ZDHHC23: variants seen among roughly 807,000 people sequenced by gnomAD.
The protein encoded by ZDHHC23 is zDHHC palmitoyltransferase 23.
Under a neutral mutation model 40.2 loss-of-function variants are expected in ZDHHC23, and 41 were observed. The observed-to-expected ratio is 1.02, with a 90% CI of 0.79 to 1.32. The LOEUF (loss-of-function observed/expected upper bound fraction) is 1.32, where lower values mean the gene tolerates loss of function less well. Among genes scored for constraint, ZDHHC23 ranks in the 40% most tolerant of loss-of-function variants. The probability of loss-of-function intolerance (pLI) is 0.00; values close to 1 mark genes in which losing one functional copy is unlikely to be tolerated. For missense variants in ZDHHC23, 471 were observed against 541.5 expected (o/e 0.87, Z 1.29); for synonymous variants, 204 against 210.2 (o/e 0.97, Z 0.26).
Position 113,959,904 on chromosome 3 carries a change from A to G in ZDHHC23, c.*1274A>G, listed in dbSNP as rs534319928. The G allele has an allele frequency of 3.1e-4, 307 of 1,001,064 alleles. No individual in the cohort carries two copies. The highest frequency in any genetic ancestry group is 3.6e-4 in the Non-Finnish European group (300 of 836,668). The allele number at this position is 1,001,064 out of a possible 1,614,324, so 62.0% of individuals were successfully genotyped here. A position where few individuals can be genotyped will look rare whatever the true frequency, so the allele number is the denominator to read the frequency against. ...CAAGTTGTTTCTTTAATCATATCTTAAAACCGAAAATGTATAAAAGATTAA... is the reference window on the plus strand; with the variant it reads ...CAAGTTGTTTCTTTAATCATATCTTGAAACCGAAAATGTATAAAAGATTAA... On this transcript the variant is annotated 3_prime_UTR_variant, in exon 5 of 5. Transcript: ENST00000638807.
Position 113,953,798 on chromosome 3 carries a change from A to G in ZDHHC23, c.260A>G (p.Lys87Arg). The change falls in exon 3 of 5, where the codon AAA becomes AGA. Residue 87 changes from lysine to arginine, a missense_variant. Around this residue, in one of 3 missense-constraint regions of ZDHHC23, gnomAD observed 42 missense variants for 73.9 expected, o/e 0.57. Transcript: ENST00000638807. ...LRIPWLRGAK[K>R]VNISIIPPLV... ...ATTCCTTGGCTTAGGGGAGCCAAAA[A>G]AGTGAACATCAGCATCATCCCTCCG... is the stretch of plus-strand genomic sequence containing the variant. 1 of 1,614,182 alleles carries G rather than the reference A, an allele frequency of 6.2e-7. No individual in the cohort carries two copies. The highest frequency in any genetic ancestry group is 8.5e-7 in the Non-Finnish European group (1 of 1,180,032).
At chr3:113,947,949 G>A (rs1379903060), upstream of ZDHHC23, 2 of 148,096 alleles carry the variant, frequency 1.4e-5, no homozygotes, top group African/African-American at 4.9e-5. Flanking sequence ...CCGGGCGGGC[G>A]GAGGGGCGGT....
chr3:113,956,415 T>C lies in ZDHHC23; in HGVS notation c.949T>C (p.Tyr317His). The C allele has an allele frequency of 6.2e-7, 1 of 1,614,216 alleles. No homozygotes were observed. The highest frequency in any genetic ancestry group is 8.5e-7 in the Non-Finnish European group (1 of 1,180,016). The change falls in exon 4 of 5, where the codon TAT becomes CAT. Residue 317 changes from tyrosine to histidine, a missense_variant. By Grantham distance (83) the Tyr-to-His change is moderately conservative. Transcript: ENST00000638807. ...ALLIFLLTSV[Y>H]GITLTLDTIC... ...TTTGATCTTCTTGCTCACCTCGGTG[T>C]ATGGGATCACACTGACCTTGGACAC...
rs745395052 is a variant in ZDHHC23 at position 113,948,807 on chromosome 3, C to T, written c.5C>T (p.Thr2Ile). Reference sequence around the variant, plus strand: ...TCATGGTGACAGGTGCAAATCATGACACAGAAGGGCAGTATGAAGCCTGTG... The same window carrying T: ...TCATGGTGACAGGTGCAAATCATGATACAGAAGGGCAGTATGAAGCCTGTG... M[T>I]QKGSMKPVKK... Residue 2 changes from threonine to isoleucine, a missense_variant, in exon 2 of 5, where the codon ACA becomes ATA. Physicochemically the swap from Thr to Ile is moderately conservative, Grantham distance 89 (BLOSUM62 -1). Coordinates refer to ENST00000638807, the MANE Select transcript of ZDHHC23 (RefSeq NM_001320466.2). 1 of 1,614,112 alleles carries T rather than the reference C, an allele frequency of 6.2e-7. No homozygotes were observed. The highest frequency in any genetic ancestry group is 1.1e-5 in the South Asian group (1 of 91,088).
chr3:113,978,750 T>G, the ZDHHC23 span: 1 of 1,217,820 alleles, frequency 8.2e-7, no homozygotes, highest in Non-Finnish European at 1.2e-6. Context: ...ACTACTCTTT[T>G]GTTCTTGAAA....
the ZDHHC23 span, among the ~76,000 whole-genome samples, chr3:113,972,808 T>G: frequency 6.6e-6 from 1 of 152,214 alleles, no homozygotes; most frequent in African/African-American, 2.4e-5. Flanking sequence ...CATTATATAA[T>G]GACCTTTCTT....
the ZDHHC23 span, chr3:113,978,406 A>G: frequency 7.0e-7 from 1 of 1,434,148 alleles, no homozygotes; most frequent in Middle Eastern, 1.9e-4. Flanking sequence ...TAAACAGCAC[A>G]AAAGACAGAA....
chr3:113,978,692 C>T, the ZDHHC23 span: 2 of 748,640 alleles, frequency 2.7e-6, no homozygotes, highest in Middle Eastern at 3.7e-4. Context: ...ACTAATAAAA[C>T]ACTGATTTAC....
the ZDHHC23 span, chr3:113,978,844 C>T: frequency 3.1e-6 from 5 of 1,610,070 alleles, no homozygotes; most frequent in Non-Finnish European, 4.2e-6. Flanking sequence ...AGGTACCCTT[C>T]CCTATGTCCT....
At chr3:113,973,596 G>T in the ZDHHC23 span, among the ~76,000 whole-genome samples, 6 of 145,564 alleles carry the variant, frequency 4.1e-5, no homozygotes, top group African/African-American at 1.5e-4. Context: ...TGGATGGCAG[G>T]TTTTTTTTTT....
chr3:113,960,136 T>G lies in ZDHHC23; in HGVS notation c.*1506T>G, dbSNP rs1298948468. 1 of 990,374 alleles carries G rather than the reference T, an allele frequency of 1.0e-6. No individual in the cohort carries two copies. Among genetic ancestry groups the G allele is most frequent in the Non-Finnish European group, 1.2e-6 (1 of 832,796 alleles). 61.3% of individuals were successfully genotyped at this position (990,374 alleles called of 1,614,324 possible). On this transcript the variant is annotated 3_prime_UTR_variant, in exon 5 of 5. Coordinates refer to ENST00000638807, the MANE Select transcript of ZDHHC23 (RefSeq NM_001320466.2). Reference sequence around the variant, plus strand: ...TTCAGTCATTCTGTGCATGCTGCTTTAAGCAAGAGATTTATATTTGTTGAG... The same window carrying G: ...TTCAGTCATTCTGTGCATGCTGCTTGAAGCAAGAGATTTATATTTGTTGAG...
chr3:113,960,920 G>A lies in ZDHHC23; in HGVS notation c.*2290G>A. The A allele has an allele frequency of 3.6e-6, 3 of 834,216 alleles. No individual in the cohort carries two copies. The highest frequency in any genetic ancestry group is 5.2e-6 in the Non-Finnish European group (3 of 578,672). 51.7% of individuals were successfully genotyped at this position (834,216 alleles called of 1,614,324 possible). On this transcript the variant is annotated 3_prime_UTR_variant, in exon 5 of 5. Coordinates refer to ENST00000638807, the MANE Select transcript of ZDHHC23 (RefSeq NM_001320466.2). ...TTCCCAGGCGTCTGTACCGAAAGGA[G>A]CAGCAAACAAGGGGCTAATCCATGA...
intron 4 of ZDHHC23, 148 bp downstream of exon 4, chr3:113,956,654 A>T: frequency 1.3e-6 from 1 of 788,856 alleles, no homozygotes; most frequent in African/African-American, 1.7e-5. Context: ...TTGCCAGCAA[A>T]ATTGTGCATT....
downstream of ZDHHC23, among the ~76,000 whole-genome samples, chr3:113,965,569 G>A (rs1940044557): frequency 6.6e-6 from 1 of 151,970 alleles, no homozygotes; most frequent in South Asian, 2.1e-4. Context: ...TGATTGATAG[G>A]TTATTTTTAT....
At chr3:113,949,900 C>T (rs563574412) in intron 2 of ZDHHC23, among the ~76,000 whole-genome samples, 2 of 152,128 alleles carry the variant, frequency 1.3e-5, no homozygotes, top group African/African-American at 2.4e-5. Flanking sequence ...ACTGTGTAGT[C>T]TTTTTTATGG....
chr3:113,959,351 A>G lies in ZDHHC23; in HGVS notation c.*721A>G. ...ATTGATGCTAAGTTGTCTCATCTTGAAAAGACAGTTGACAACAGTTATAAA... is the reference window on the plus strand; with the variant it reads ...ATTGATGCTAAGTTGTCTCATCTTGGAAAGACAGTTGACAACAGTTATAAA... On this transcript the variant is annotated 3_prime_UTR_variant, in exon 5 of 5. Transcript: ENST00000638807. The G allele has an allele frequency of 9.0e-7, 1 of 1,110,368 alleles. No homozygotes were observed. Among genetic ancestry groups the G allele is most frequent in the East Asian group, 6.0e-5 (1 of 16,696 alleles). The allele number at this position is 1,110,368 out of a possible 1,614,324, so 68.8% of individuals were successfully genotyped here.
chr3:113,968,488 G>A (rs973365043), downstream of ZDHHC23, among the ~76,000 whole-genome samples: 2 of 150,534 alleles, frequency 1.3e-5, no homozygotes, highest in Non-Finnish European at 1.5e-5. Context: ...TCACTCTGTC[G>A]CCCAGGCTGG....
At position 113,960,431 on chromosome 3, in the gene ZDHHC23, C is replaced by T; in HGVS notation, c.*1801C>T. The T allele has an allele frequency of 7.6e-7, 1 of 1,309,650 alleles. No individual in the cohort carries two copies. Among genetic ancestry groups the T allele is most frequent in the Non-Finnish European group, 9.7e-7 (1 of 1,033,674 alleles). The allele number at this position is 1,309,650 out of a possible 1,614,324, so 81.1% of individuals were successfully genotyped here. On this transcript the variant is annotated 3_prime_UTR_variant, in exon 5 of 5. Coordinates refer to ENST00000638807, the MANE Select transcript of ZDHHC23 (RefSeq NM_001320466.2). ...TGGATTTGATATAACAAATTTCTTT[C>T]TATACAGGTTTTACATAAGAGAGAC...
In ZDHHC23 at chr3:113,958,799, T is replaced by TA; in HGVS notation, c.*171dup. The TA allele has an allele frequency of 6.7e-7, 1 of 1,494,254 alleles. No individual in the cohort carries two copies. The highest frequency in any genetic ancestry group is 1.2e-5 in the South Asian group (1 of 86,256). 92.6% of individuals were successfully genotyped at this position (1,494,254 alleles called of 1,614,324 possible). Reference sequence around the variant, plus strand: ...AGTTAATTTTTCTGACGCCACAACTTAAGAGACTTTTATACTGAGGCAGTA... The same window carrying TA: ...AGTTAATTTTTCTGACGCCACAACTTAAAGAGACTTTTATACTGAGGCAGTA... On this transcript the variant is annotated 3_prime_UTR_variant, in exon 5 of 5. Transcript: ENST00000638807.
Sources: gnomAD v4.1 joint callset for allele counts (sites outside exome capture counted in the v4.1 genomes callset) on GRCh38, gnomAD v4.1.1 for gene constraint, gnomAD v4.1.1 regional missense constraint, MANE v1.5 for transcripts, NCBI Gene and HGNC (gene_info 2026-07-23, HGNC 2026-07-21) for gene names.